Variants in L2HGDH observed in about 807,000 individuals in gnomAD.
L2HGDH encodes L-2-hydroxyglutarate dehydrogenase, mitochondrial.
L2HGDH carries 34 observed loss-of-function variants against 51.5 expected under a neutral mutation model. That is an observed-to-expected ratio of 0.66 (90% CI 0.50 to 0.88). The LOEUF is 0.88. L2HGDH is among the 40% of genes least tolerant of loss of function. The pLI is 0.00. For synonymous variants in L2HGDH, 198 were observed against 197.9 expected (o/e 1.00, Z -0.01); for missense variants, 558 against 571.9 (o/e 0.98, Z 0.25).
In L2HGDH at chr14:50,243,475, A is replaced by G. The variant is rs1887875274; in HGVS notation, c.*3583T>C. 1 of 787,828 alleles carries G rather than the reference A, an allele frequency of 1.3e-6. No homozygotes were observed. The highest frequency in any genetic ancestry group is 1.5e-6 in the Non-Finnish European group (1 of 650,400). 48.8% of individuals were successfully genotyped at this position (787,828 alleles called of 1,614,324 possible). Reference sequence around the variant, plus strand: ...AACTAAAAAATATGTTCTCTACAACACCAAGGCTCATTAAAATATTTTAAA... The same window carrying G: ...AACTAAAAAATATGTTCTCTACAACGCCAAGGCTCATTAAAATATTTTAAA... On this transcript the variant is annotated 3_prime_UTR_variant, in exon 10 of 10. Transcript: ENST00000267436.
At chr14:50,274,249 A>G (rs1889849521) in intron 6 of L2HGDH, among the ~76,000 whole-genome samples, 1 of 151,692 alleles carries the variant, frequency 6.6e-6, no homozygotes, top group Non-Finnish European at 1.5e-5. Context: ...ACTGGACTTC[A>G]GCCTGGGTGA....
In L2HGDH at chr14:50,294,222, C is replaced by A. The variant is rs1403658578; in HGVS notation, c.433G>T (p.Glu145Ter). The A allele has an allele frequency of 1.2e-6, 2 of 1,612,398 alleles. No homozygotes were observed. Among genetic ancestry groups the A allele is most frequent in the African/African-American group, 2.7e-5 (2 of 74,596 alleles). Residue 145 changes from glutamate (E) to a stop codon, truncating the protein, a stop_gained, in exon 4 of 10, where the codon GAA becomes TAA. Transcript: ENST00000267436. LOFTEE classifies it high-confidence loss of function. ...TATAGGGCCTGAAGTCTGGGAATTT[C>A]TTCTTGTTCAACAGCTACTATAAGC... is the stretch of plus-strand genomic sequence containing the variant. ...GKLIVAVEQE[E>*]IPRLQALYEK...
At chr14:50,298,982 A>T (rs2139205375) in intron 3 of L2HGDH, among the ~76,000 whole-genome samples, 1 of 152,252 alleles carries the variant, frequency 6.6e-6, no homozygotes. Flanking sequence ...AATAATAAAG[A>T]TCAGAGCAGA....
intron 8 of L2HGDH, among the ~76,000 whole-genome samples, chr14:50,266,385 G>A (rs769833654): frequency 3.9e-5 from 6 of 152,180 alleles, no homozygotes; most frequent in African/African-American, 2.4e-5. Flanking sequence ...GCTCATGCCT[G>A]TAATCCCAGC....
chr14:50,277,826 A>C (rs75718994), intron 6 of L2HGDH, among the ~76,000 whole-genome samples: 24,594 of 135,880 alleles, frequency 0.18, 2,586 homozygotes, highest in African/African-American at 0.32. Context: ...TAATAATAAT[A>C]ATCTGGTGGC....
At chr14:50,253,083 A>G (rs529800667) in intron 9 of L2HGDH, among the ~76,000 whole-genome samples, 73 of 152,246 alleles carry the variant, frequency 4.8e-4, no homozygotes, top group Non-Finnish European at 7.4e-4. Context: ...AATATCAAGC[A>G]TCTTCTCTGA....
At position 50,244,786 on chromosome 14, in the gene L2HGDH, C is replaced by T; in HGVS notation, c.*2272G>A. On this transcript the variant is annotated 3_prime_UTR_variant, in exon 10 of 10. Coordinates refer to ENST00000267436, the MANE Select transcript of L2HGDH (RefSeq NM_024884.3). Reference sequence around the variant, plus strand: ...AAGGAAGAAAACAGAAACATTTTTCCTATCAACCAAAATGCACATCCTTCT... The same window carrying T: ...AAGGAAGAAAACAGAAACATTTTTCTTATCAACCAAAATGCACATCCTTCT... 4.1e-6 allele frequency: 4 copies of T among 985,348 alleles called. No homozygotes were observed. Among genetic ancestry groups the T allele is most frequent in the Non-Finnish European group, 4.8e-6 (4 of 829,906 alleles). The allele number at this position is 985,348 out of a possible 1,614,324, so 61.0% of individuals were successfully genotyped here.
intron 1 of L2HGDH, chr14:50,311,296 T>A: frequency 2.2e-6 from 1 of 455,000 alleles, no homozygotes; most frequent in South Asian, 1.5e-5. Context: ...AAAACCTTGC[T>A]GTGATGTAGT....
At chr14:50,276,764 G>A (rs1890001651) in intron 6 of L2HGDH, among the ~76,000 whole-genome samples, 1 of 152,148 alleles carries the variant, frequency 6.6e-6, no homozygotes, top group African/African-American at 2.4e-5. Context: ...GGCTTTTTAG[G>A]CCACCCAGTT....
At chr14:50,310,202 G>A (rs1343162981) in intron 1 of L2HGDH, among the ~76,000 whole-genome samples, 1 of 151,920 alleles carries the variant, frequency 6.6e-6, no homozygotes, top group Non-Finnish European at 1.5e-5. Context: ...ATGGGGTGAA[G>A]GGTACATGGG....
chr14:50,269,526 A>G (rs1401867058), intron 6 of L2HGDH, among the ~76,000 whole-genome samples, 196 bp from the exon 7 acceptor site: 1 of 152,234 alleles, frequency 6.6e-6, no homozygotes, highest in African/African-American at 2.4e-5. Flanking sequence ...GTGGCATGTA[A>G]GAGGATGTCA....
At chr14:50,254,906 TGA>T (rs1194775013) in intron 9 of L2HGDH, among the ~76,000 whole-genome samples, 1 of 151,244 alleles carries the variant, frequency 6.6e-6, no homozygotes, top group Non-Finnish European at 1.5e-5. Flanking sequence ...GGCGTGGTGT[TGA>T]GTGTCTGAGT....
chr14:50,306,026 C>T (rs973648614), intron 1 of L2HGDH, among the ~76,000 whole-genome samples: 7 of 149,930 alleles, frequency 4.7e-5, no homozygotes, highest in East Asian at 2.0e-4. Flanking sequence ...CCCACAAAAA[C>T]GAGGACTGAC....
At chr14:50,296,412 A>C (rs970886411) in intron 3 of L2HGDH, among the ~76,000 whole-genome samples, 6 of 149,978 alleles carry the variant, frequency 4.0e-5, no homozygotes, top group African/African-American at 1.5e-4. Flanking sequence ...TATGAAGGAC[A>C]TGACTACCAA....
Position 50,245,392 on chromosome 14 carries a change from G to C in L2HGDH, c.*1666C>G. 1 of 985,318 alleles carries C rather than the reference G, an allele frequency of 1.0e-6. No homozygotes were observed. Among genetic ancestry groups the C allele is most frequent in the Non-Finnish European group, 1.2e-6 (1 of 829,896 alleles). The allele number at this position is 985,318 out of a possible 1,614,324, so 61.0% of individuals were successfully genotyped here. On this transcript the variant is annotated 3_prime_UTR_variant, in exon 10 of 10. Coordinates refer to ENST00000267436, the MANE Select transcript of L2HGDH (RefSeq NM_024884.3). ...CTCAGCCACAGAGATTGAAGAACAG[G>C]ACAACCACTCAGTGTACCACTGTTT...
intron 9 of L2HGDH, among the ~76,000 whole-genome samples, chr14:50,249,464 G>T (rs900424578): frequency 2.0e-5 from 3 of 152,206 alleles, no homozygotes; most frequent in Non-Finnish European, 2.9e-5. Context: ...TTCCAGCTCA[G>T]CCACAGTAGG....
chr14:50,283,937 C>A lies in L2HGDH; in HGVS notation c.637G>T (p.Val213Phe). The A allele has an allele frequency of 3.1e-6, 5 of 1,614,114 alleles. No individual in the cohort carries two copies. The highest frequency in any genetic ancestry group is 4.2e-6 in the Non-Finnish European group (5 of 1,180,018). The change falls in exon 5 of 10, where the codon GTC becomes TTC. Residue 213 changes from valine to phenylalanine, a missense_variant. Coordinates refer to ENST00000267436, the MANE Select transcript of L2HGDH (RefSeq NM_024884.3). The stretch of plus-strand genomic sequence containing the variant: ...CCTTTTACTTCAAAATTGGTCAAGA[C>A]AGAGCCACCTGCTTCTTGGAAATCC... ...AQDFQEAGGS[V>F]LTNFEVKGIE... is the part of the protein sequence containing the mutation.
Position 50,302,244 on chromosome 14 carries a change from T to C in L2HGDH, c.257-76A>G, listed in dbSNP as rs533760221. 12 of 1,478,600 alleles carry C rather than the reference T, an allele frequency of 8.1e-6. No homozygotes were observed. In the East Asian group the frequency reaches 9.0e-5, roughly 11 times the overall value. The allele number at this position is 1,478,600 out of a possible 1,614,324, so 91.6% of individuals were successfully genotyped here. On this transcript the variant is annotated intron_variant, in intron 2 of 9. Transcript: ENST00000267436. ...CATAAGAGGTAAGAGAACAAACTTA[T>C]AGTTGAAGCTATTAGAGACCACATC...
rs138626765 is a variant in L2HGDH, at chr14:50,302,136, T to A, written c.289A>T (p.Ile97Leu). Residue 97 changes from isoleucine (I) to leucine (L), a missense_variant, in exon 3 of 10, where the codon ATA (isoleucine) becomes TTA (leucine). Transcript: ENST00000267436. ...VHQTGHNSGV[I>L]HSGIYYKPES... ...GGTTTATAATAAATTCCACTATGTATGACACCACTGTTATGTCCAGTCTGG... is the reference window on the plus strand; with the variant it reads ...GGTTTATAATAAATTCCACTATGTAAGACACCACTGTTATGTCCAGTCTGG... 4.3e-6 allele frequency: 7 copies of A among 1,614,016 alleles called. No individual in the cohort carries two copies. In the African/African-American group the frequency reaches 9.3e-5, roughly 22 times the overall value.
Sources: allele counts gnomAD v4.1 joint callset (sites outside exome capture counted in the v4.1 genomes callset), GRCh38; gene constraint gnomAD v4.1.1; transcripts MANE v1.5; gene names NCBI Gene and HGNC (gene_info 2026-07-23, HGNC 2026-07-21).